The following NAA11 variants were observed in gnomAD, a reference collection of about 807,000 sequenced individuals.
The protein encoded by NAA11 is N-alpha-acetyltransferase 11, NatA catalytic subunit.
A neutral mutation model predicts 16.1 loss-of-function variants in NAA11; 15 were observed. That is an observed-to-expected ratio of 0.93 (90% CI 0.62 to 1.44). The LOEUF (loss-of-function observed/expected upper bound fraction) is 1.44. Among genes scored for constraint, NAA11 ranks in the 40% most tolerant of loss-of-function variants. The pLI, the probability that NAA11 is intolerant of heterozygous loss-of-function variation, is 0.00. For synonymous variants in NAA11, 122 were observed against 112.4 expected (o/e 1.09, Z -0.54); for missense variants, 298 against 291.3 (o/e 1.02, Z -0.17).
At chr4:79,295,287 A>G (rs960507664) in intron 1 of NAA11, among the ~76,000 whole-genome samples, 6 of 152,244 alleles carry the variant, frequency 3.9e-5, no homozygotes, top group African/African-American at 1.4e-4. Context: ...GAGCTGCAGC[A>G]TAAGGTGTGA....
intron 1 of NAA11, among the ~76,000 whole-genome samples, chr4:79,323,753 G>A (rs901697888): frequency 1.3e-5 from 2 of 152,020 alleles, no homozygotes; most frequent in Non-Finnish European, 2.9e-5. Context: ...CCCGGGAGGC[G>A]GAGCTTGCAG....
chr4:79,317,684 A>C lies in NAA11; in HGVS notation c.*120T>G, dbSNP rs1270971540. ...GTTGTTTATAGAGTTAAGAGTGAGA[A>C]GCCATTCTGGTCACTGTGAGATGAT... On this transcript the variant is annotated 3_prime_UTR_variant, in exon 2 of 2. Transcript: ENST00000286794. 6.6e-6 allele frequency: 1 copy of C among 152,268 alleles called. No individual in the cohort carries two copies. The highest frequency in any genetic ancestry group is 6.5e-5 in the Admixed American group (1 of 15,276). The allele number at this position is 152,268 out of a possible 1,614,324, so 9.4% of individuals were successfully genotyped here.
chr4:79,301,310 T>C (rs539416634), intron 1 of NAA11, among the ~76,000 whole-genome samples: 1 of 152,336 alleles, frequency 6.6e-6, no homozygotes, highest in African/African-American at 2.4e-5. Context: ...TGTTGAAATC[T>C]GCCCATCTCT....
chr4:79,183,079 T>C, the NAA11 span, among the ~76,000 whole-genome samples: 3 of 152,272 alleles, frequency 2.0e-5, no homozygotes, highest in South Asian at 4.1e-4. Flanking sequence ...CCTCTGAACA[T>C]AGAATTTACA....
chr4:79,202,179 TTG>T, the NAA11 span, among the ~76,000 whole-genome samples: 1 of 151,612 alleles, frequency 6.6e-6, no homozygotes, highest in Non-Finnish European at 1.5e-5. Flanking sequence ...CGTGTGATGT[TTG>T]TGTTTCTATG....
intron 1 of NAA11, among the ~76,000 whole-genome samples, chr4:79,321,173 T>C (rs1023247633): frequency 6.6e-6 from 1 of 152,184 alleles, no homozygotes; most frequent in African/African-American, 2.4e-5. Flanking sequence ...CAGAGTTCCC[T>C]GGGCCATGCC....
the NAA11 span, among the ~76,000 whole-genome samples, chr4:79,176,035 A>G: frequency 1.3e-5 from 2 of 152,274 alleles, no homozygotes; most frequent in South Asian, 4.1e-4. Context: ...TTCCTTACAG[A>G]GTTCAGAAAT....
intron 2 of NAA11, among the ~76,000 whole-genome samples, chr4:79,263,205 CTT>C (rs892787617): frequency 2.0e-5 from 3 of 151,992 alleles, no homozygotes; most frequent in African/African-American, 7.3e-5. Flanking sequence ...TAAAATACGA[CTT>C]TAACAATCTT....
chr4:79,218,756 C>T, the NAA11 span, among the ~76,000 whole-genome samples: 1 of 151,952 alleles, frequency 6.6e-6, no homozygotes, highest in Non-Finnish European at 1.5e-5. Flanking sequence ...TAAAATCAAC[C>T]TGATTTCAAA....
At chr4:79,271,511 C>T (rs190044722) in intron 2 of NAA11, among the ~76,000 whole-genome samples, 68 of 151,930 alleles carry the variant, frequency 4.5e-4, no homozygotes, top group Non-Finnish European at 5.9e-4. Context: ...ATAAATGGTG[C>T]GATTTCTTGA....
intron 2 of NAA11, among the ~76,000 whole-genome samples, chr4:79,281,678 G>T (rs1722791556): frequency 2.0e-5 from 3 of 152,074 alleles, no homozygotes; most frequent in African/African-American, 7.2e-5. Flanking sequence ...CAGTACTCAA[G>T]GAAGGCCTCT....
chr4:79,204,928 T>TATACACACAC, the NAA11 span, among the ~76,000 whole-genome samples: 21 of 147,906 alleles, frequency 1.4e-4, no homozygotes, highest in African/African-American at 4.2e-4. Context: ...ATGGTGTGTA[T>TATACACACAC]ACACACACAC....
the NAA11 span, among the ~76,000 whole-genome samples, chr4:79,208,324 A>C: frequency 6.6e-6 from 1 of 152,194 alleles, no homozygotes; most frequent in African/African-American, 2.4e-5. Flanking sequence ...TAATAATTAA[A>C]TGTGATAATA....
At chr4:79,163,378 G>A in the NAA11 span, among the ~76,000 whole-genome samples, 1 of 152,078 alleles carries the variant, frequency 6.6e-6, no homozygotes, top group African/African-American at 2.4e-5. Flanking sequence ...ACATTAAGCA[G>A]GCCCTTTCTT....
At chr4:79,272,109 A>G (rs776046211) in intron 2 of NAA11, among the ~76,000 whole-genome samples, 9 of 151,946 alleles carry the variant, frequency 5.9e-5, no homozygotes, top group Non-Finnish European at 1.3e-4. Flanking sequence ...GTATATATAC[A>G]TATATACTAT....
chr4:79,265,867 C>T (rs1256400548), intron 2 of NAA11, among the ~76,000 whole-genome samples: 1 of 152,072 alleles, frequency 6.6e-6, no homozygotes, highest in African/African-American at 2.4e-5. Flanking sequence ...CCTCCTGCCT[C>T]AGCTATATTT....
At chr4:79,195,226 T>C in the NAA11 span, among the ~76,000 whole-genome samples, 6 of 152,016 alleles carry the variant, frequency 3.9e-5, no homozygotes, top group Non-Finnish European at 8.8e-5. Context: ...GCCTACAGAA[T>C]TGGAATCTTG....
At chr4:79,268,039 T>TTAA (rs10642295) in intron 2 of NAA11, among the ~76,000 whole-genome samples, 68,519 of 151,708 alleles carry the variant, frequency 0.45, 15,973 homozygotes, top group Middle Eastern at 0.56. Flanking sequence ...CTTTGTCATG[T>TTAA]TTATTAAGAA....
At chr4:79,197,318 A>G in the NAA11 span, among the ~76,000 whole-genome samples, 1 of 151,974 alleles carries the variant, frequency 6.6e-6, no homozygotes, top group African/African-American at 2.4e-5. Context: ...CATTCATCCA[A>G]TGAATCTCTA....
Sources: gnomAD v4.1 joint callset for allele counts (sites outside exome capture counted in the v4.1 genomes callset) on GRCh38, gnomAD v4.1.1 for gene constraint, MANE v1.5 for transcripts, NCBI Gene and HGNC (gene_info 2026-07-23, HGNC 2026-07-21) for gene names.